LDB3: variants seen among roughly 807,000 people sequenced by gnomAD.
LDB3 encodes LIM domain binding 3.
Under a neutral mutation model 69.0 loss-of-function variants are expected in LDB3, and 49 were observed. That is an observed-to-expected ratio of 0.71 (90% CI 0.56 to 0.90). The LOEUF is 0.90. Ranked by LOEUF, LDB3 falls within the 40% of genes least tolerant of loss-of-function variation. LDB3 has a pLI of 0.00. For missense variants in LDB3, 928 were observed against 974.1 expected (o/e 0.95, Z 0.63); for synonymous variants, 387 against 396.2 (o/e 0.98, Z 0.28).
At chr10:86,678,227 T>C (rs1564632118) in intron 2 of LDB3, among the ~76,000 whole-genome samples, 1 of 151,978 alleles carries the variant, frequency 6.6e-6, no homozygotes, top group East Asian at 1.9e-4. Context: ...TTTTTTGTAA[T>C]TTTGGTACAG....
At position 86,699,199 on chromosome 10, in the gene LDB3, A is replaced by T; in HGVS notation, c.896+6628A>T. 2 of 1,507,684 alleles carry T rather than the reference A, an allele frequency of 1.3e-6. No homozygotes were observed. Among genetic ancestry groups the T allele is most frequent in the Non-Finnish European group, 9.1e-7 (1 of 1,099,214 alleles). 93.4% of individuals were successfully genotyped at this position (1,507,684 alleles called of 1,614,324 possible). ...GTGAACACATTCCCTAACCCCTTTC[A>T]TTCTCCCTCTCTTCTCTCTCTTTCT... is the stretch of plus-strand genomic sequence containing the variant. On this transcript the variant is annotated intron_variant, in intron 7 of 13. Coordinates refer to ENST00000361373, the MANE Select transcript of LDB3 (RefSeq NM_007078.3). This position sits in a 1 kb window ranked among gnomAD's most constrained non-coding sequence, Gnocchi z 4.9.
At chr10:86,728,336 G>T (rs540731945) in intron 13 of LDB3, among the ~76,000 whole-genome samples, 1 of 152,302 alleles carries the variant, frequency 6.6e-6, no homozygotes, top group Admixed American at 6.5e-5. Context: ...GTCTGCTTCT[G>T]CAAGCCTCGC....
intron 7 of LDB3, among the ~76,000 whole-genome samples, chr10:86,697,148 G>C (rs1294019579): frequency 6.6e-6 from 1 of 151,244 alleles, no homozygotes; most frequent in Non-Finnish European, 1.5e-5. Flanking sequence ...TAGAAGGCCA[G>C]CACTGCCACA....
At chr10:86,713,067 T>A (rs200516090) in intron 9 of LDB3, among the ~76,000 whole-genome samples, 897 of 88,158 alleles carry the variant, frequency 0.01, 13 homozygotes, top group African/African-American at 0.036. Flanking sequence ...GTCTCAAAAA[T>A]ATATATATAT....
intron 13 of LDB3, among the ~76,000 whole-genome samples, chr10:86,729,132 A>G (rs1258765717): frequency 6.6e-6 from 1 of 152,170 alleles, no homozygotes; most frequent in Non-Finnish European, 1.5e-5. Flanking sequence ...AGTTTACCAA[A>G]TATTCCTGGC....
chr10:86,700,990 G>A (rs555561498), intron 7 of LDB3, among the ~76,000 whole-genome samples: 1 of 152,222 alleles, frequency 6.6e-6, no homozygotes, highest in East Asian at 1.9e-4. Flanking sequence ...TGCTGCCTGG[G>A]CAGAGGCTTT....
chr10:86,672,153 C>T (rs1844518484), intron 2 of LDB3, among the ~76,000 whole-genome samples: 1 of 152,204 alleles, frequency 6.6e-6, no homozygotes, highest in African/African-American at 2.4e-5. Context: ...ATGCCTTCCA[C>T]ACCTGTGAGA....
intron 5 of LDB3, among the ~76,000 whole-genome samples, chr10:86,684,708 C>G (rs755725815): frequency 3.3e-5 from 5 of 152,190 alleles, no homozygotes; most frequent in Non-Finnish European, 7.4e-5. Context: ...GCCAGGCTGG[C>G]CGGGGCCCAA....
intron 12 of LDB3, 94 bp downstream of exon 12, chr10:86,718,941 C>T (rs987864078): frequency 1.4e-5 from 21 of 1,519,462 alleles, no homozygotes; most frequent in Admixed American, 9.2e-5. Context: ...CATTCACATC[C>T]GACCACCCAG....
At chr10:86,727,544 T>C (rs760645636) in intron 13 of LDB3, among the ~76,000 whole-genome samples, 20 of 152,340 alleles carry the variant, frequency 1.3e-4, no homozygotes, top group Non-Finnish European at 2.9e-4. Flanking sequence ...ATTCACTCTG[T>C]GTGTCGGTTT....
intron 12 of LDB3, among the ~76,000 whole-genome samples, chr10:86,724,098 G>A (rs1447535882): frequency 6.8e-6 from 1 of 147,888 alleles, no homozygotes; most frequent in Admixed American, 6.8e-5. Flanking sequence ...ATCACTTGAG[G>A]TCAGGAGTTC....
intron 7 of LDB3, among the ~76,000 whole-genome samples, chr10:86,704,559 G>A (rs1471103898): frequency 3.4e-5 from 5 of 147,928 alleles, no homozygotes; most frequent in Admixed American, 1.4e-4. Flanking sequence ...ACAGGCATGC[G>A]CCACCACGCC....
At chr10:86,672,764 G>C (rs1448097901) in intron 2 of LDB3, among the ~76,000 whole-genome samples, 1 of 152,250 alleles carries the variant, frequency 6.6e-6, no homozygotes, top group Non-Finnish European at 1.5e-5. Flanking sequence ...GATCCAAAAG[G>C]AGAGGACATG....
In LDB3 at chr10:86,733,167, C is replaced by G. The variant is rs1589692008; in HGVS notation, c.*191C>G. The G allele has an allele frequency of 5.3e-6, 3 of 568,238 alleles. No individual in the cohort carries two copies. In the East Asian group the frequency reaches 9.1e-5, roughly 17 times the overall value. 35.2% of individuals were successfully genotyped at this position (568,238 alleles called of 1,614,324 possible). On this transcript the variant is annotated 3_prime_UTR_variant, in exon 14 of 14. Transcript: ENST00000361373. ...CATTTGCATAGTTCAGACTAGGAGCCAAATGAAGACTCAAAACCAAGCTAG... is the reference window on the plus strand; with the variant it reads ...CATTTGCATAGTTCAGACTAGGAGCGAAATGAAGACTCAAAACCAAGCTAG...
At chr10:86,669,716 T>C (rs1204909459) in intron 2 of LDB3, among the ~76,000 whole-genome samples, 1 of 152,236 alleles carries the variant, frequency 6.6e-6, no homozygotes, top group Non-Finnish European at 1.5e-5. Context: ...CTGTGAGGCA[T>C]ACAGGGCAAG....
chr10:86,687,849 C>T lies in LDB3; in HGVS notation c.690-4047C>T, dbSNP rs538000524. On this transcript the variant is annotated intron_variant, in intron 5 of 13. Coordinates refer to ENST00000361373, the MANE Select transcript of LDB3 (RefSeq NM_007078.3). ...AGACATCCTTGGTTCCTGGAATTCA[C>T]CCATTAGCTATGGCTGGGGAATTTG... 1.7e-4 allele frequency among the ~76,000 whole-genome samples: 26 copies of T among 152,328 alleles called. 1 individual carries two copies. In the South Asian group the frequency reaches 4.8e-3, roughly 28 times the overall value.
intron 7 of LDB3, among the ~76,000 whole-genome samples, chr10:86,700,365 C>T (rs974320025): frequency 6.6e-6 from 1 of 152,180 alleles, no homozygotes; most frequent in Non-Finnish European, 1.5e-5. Context: ...CTGCTGCAAC[C>T]AGCAGACTGA....
intron 5 of LDB3, among the ~76,000 whole-genome samples, chr10:86,686,810 A>AC (rs1479427015): frequency 6.6e-6 from 1 of 151,208 alleles, no homozygotes; most frequent in African/African-American, 2.4e-5. Flanking sequence ...CTGTATCAAA[A>AC]AAAAAAAAAA....
chr10:86,699,461 G>T lies in LDB3; in HGVS notation c.896+6890G>T. ...AGATCTGGCATGTGAGCCCCACGGT[G>T]ATGCTTGACAATGTATAACTCTGCT... On this transcript the variant is annotated intron_variant, in intron 7 of 13. Transcript: ENST00000361373. This position sits in a 1 kb window ranked among gnomAD's most constrained non-coding sequence, Gnocchi z 4.9. 6.2e-7 allele frequency: 1 copy of T among 1,601,988 alleles called. No individual in the cohort carries two copies. The highest frequency in any genetic ancestry group is 8.5e-7 in the Non-Finnish European group (1 of 1,175,740).
Sources: allele counts gnomAD v4.1 joint callset (sites outside exome capture counted in the v4.1 genomes callset), GRCh38; gene constraint gnomAD v4.1.1; non-coding constraint Gnocchi (gnomAD v3.1); transcripts MANE v1.5; gene names NCBI Gene and HGNC (gene_info 2026-07-23, HGNC 2026-07-21).